The following CACNA2D1 variants were observed in gnomAD, a reference collection of about 807,000 sequenced individuals.
The protein encoded by CACNA2D1 is calcium voltage-gated channel auxiliary subunit alpha2delta 1.
In CACNA2D1, 53 loss-of-function variants were observed where a neutral mutation model predicts 171.5. That is an observed-to-expected ratio of 0.31 (90% CI 0.25 to 0.39). The LOEUF (loss-of-function observed/expected upper bound fraction) is 0.39. Among genes scored for constraint, CACNA2D1 ranks in the 10% least tolerant of loss-of-function variants. The pLI, the probability that CACNA2D1 is intolerant of heterozygous loss-of-function variation, is 1.00. For synonymous variants in CACNA2D1, 442 were observed against 443.1 expected (o/e 1.00, Z 0.03); for missense variants, 903 against 1,299.8 (o/e 0.69, Z 4.69).
intron 1 of CACNA2D1, among the ~76,000 whole-genome samples, chr7:82,364,260 G>GC (rs1821427284): frequency 6.6e-6 from 1 of 152,140 alleles, no homozygotes; most frequent in Non-Finnish European, 1.5e-5. Context: ...CAGGGTTCTG[G>GC]CTAGGGCACT....
intron 1 of CACNA2D1, among the ~76,000 whole-genome samples, chr7:82,415,539 C>CA (rs936530889): frequency 5.8e-4 from 87 of 149,592 alleles, no homozygotes; most frequent in East Asian, 1.2e-3. Flanking sequence ...TAAAAAAAAA[C>CA]AAAAAAAAAC....
At chr7:82,191,731 T>C (rs556491594) in intron 3 of CACNA2D1, among the ~76,000 whole-genome samples, 8 of 151,964 alleles carry the variant, frequency 5.3e-5, no homozygotes, top group African/African-American at 1.4e-4. Context: ...TATGTGTTCA[T>C]ATAATCAACT....
At chr7:82,022,712 T>C (rs1801380263) in intron 12 of CACNA2D1, among the ~76,000 whole-genome samples, 1 of 151,980 alleles carries the variant, frequency 6.6e-6, no homozygotes, top group African/African-American at 2.4e-5. Context: ...TGACCATTTC[T>C]AGTTTGGATC....
Position 82,172,640 on chromosome 7 carries a change from T to TTC in CACNA2D1, c.295-2032_295-2031insGA, listed in dbSNP as rs1491222972. On this transcript the variant is annotated intron_variant, in intron 3 of 38. Coordinates refer to ENST00000356860, the MANE Select transcript of CACNA2D1 (RefSeq NM_000722.4). ...GCTTTTTTTTTTTTTTTTTTTTTTT[T>TTC]GGTAAAGATGGGGTCTCAAACTCCT... Among the ~76,000 whole-genome samples, 28 of 77,282 alleles carry TTC rather than the reference T, an allele frequency of 3.6e-4. 1 individual carries two copies. Among genetic ancestry groups the TTC allele is most frequent in the African/African-American group, 1.4e-3 (27 of 19,980 alleles). 50.7% of individuals were successfully genotyped at this position (77,282 alleles called of 152,430 possible).
chr7:82,071,305 T>G (rs1808297105), intron 7 of CACNA2D1, among the ~76,000 whole-genome samples: 1 of 152,172 alleles, frequency 6.6e-6, no homozygotes, highest in South Asian at 2.1e-4. Flanking sequence ...CGTAGCTTTA[T>G]GCAAAAGAAG....
intron 38 of CACNA2D1, among the ~76,000 whole-genome samples, chr7:81,954,275 T>G (rs1287599618): frequency 6.6e-6 from 1 of 152,012 alleles, no homozygotes; most frequent in Non-Finnish European, 1.5e-5. Context: ...TTTAGAACAT[T>G]AAAATGGAAA....
chr7:82,115,835 C>T (rs1788981502), intron 6 of CACNA2D1, among the ~76,000 whole-genome samples: 1 of 151,872 alleles, frequency 6.6e-6, no homozygotes, highest in African/African-American at 2.4e-5. Context: ...CAAACACTTA[C>T]ATAGCACTTA....
chr7:82,112,062 A>G (rs922930065), intron 6 of CACNA2D1, among the ~76,000 whole-genome samples: 1 of 152,146 alleles, frequency 6.6e-6, no homozygotes, highest in Admixed American at 6.5e-5. Flanking sequence ...TATAAGAAAA[A>G]ATAAATATTA....
Position 81,946,509 on chromosome 7 carries a change from T to C in CACNA2D1, c.*3883A>G, listed in dbSNP as rs866468090. On this transcript the variant is annotated 3_prime_UTR_variant, in exon 39 of 39. Coordinates refer to ENST00000356860, the MANE Select transcript of CACNA2D1 (RefSeq NM_000722.4). Reference sequence around the variant, plus strand: ...TTGCACAAGATTTAACACAACATTTTCTGGGATTATAAATATTTTATAACA... The same window carrying C: ...TTGCACAAGATTTAACACAACATTTCCTGGGATTATAAATATTTTATAACA... 3.9e-5 allele frequency: 6 copies of C among 152,150 alleles called. No homozygotes were observed. Among genetic ancestry groups the C allele is most frequent in the African/African-American group, 1.2e-4 (5 of 41,444 alleles). 9.4% of individuals were successfully genotyped at this position (152,150 alleles called of 1,614,324 possible).
rs10259515 is a variant in CACNA2D1 at position 82,018,746 on chromosome 7, G to C, written c.1144-4267C>G. On this transcript the variant is annotated intron_variant, in intron 12 of 38. Coordinates refer to ENST00000356860, the MANE Select transcript of CACNA2D1 (RefSeq NM_000722.4). ...GCTTATAATCCCAGCACTTTGAGAG[G>C]CTGAGGTGGGTGGATCACTTGAGCT... Among the ~76,000 whole-genome samples, 875 of 152,150 alleles carry C rather than the reference G, an allele frequency of 5.8e-3. 13 individuals are homozygous for C. The highest frequency in any genetic ancestry group is 0.02 in the African/African-American group (842 of 41,504).
intron 1 of CACNA2D1, among the ~76,000 whole-genome samples, chr7:82,413,611 G>A (rs1411012767): frequency 6.6e-6 from 1 of 152,204 alleles, no homozygotes; most frequent in Non-Finnish European, 1.5e-5. Context: ...TAAACAATGA[G>A]TCTTAATTGC....
chr7:82,212,946 G>A (rs544559021), intron 3 of CACNA2D1, among the ~76,000 whole-genome samples: 1 of 151,918 alleles, frequency 6.6e-6, no homozygotes, highest in Non-Finnish European at 1.5e-5. Context: ...TGTCACCCAG[G>A]CTGGAGTGCA....
intron 38 of CACNA2D1, among the ~76,000 whole-genome samples, chr7:81,951,981 T>TTTTTTTG (rs1554321749): frequency 2.0e-5 from 3 of 149,308 alleles, no homozygotes; most frequent in Non-Finnish European, 4.5e-5. Context: ...TTTTTTTTTT[T>TTTTTTTG]TTTTTTTTTT....
At chr7:82,212,592 A>C (rs1408730684) in intron 3 of CACNA2D1, among the ~76,000 whole-genome samples, 1 of 152,246 alleles carries the variant, frequency 6.6e-6, no homozygotes, top group Admixed American at 6.5e-5. Flanking sequence ...AGAGAATAGC[A>C]GAGTCAAGGT....
intron 3 of CACNA2D1, among the ~76,000 whole-genome samples, chr7:82,302,610 T>G (rs1169123393): frequency 6.6e-6 from 1 of 151,828 alleles, no homozygotes; most frequent in Non-Finnish European, 1.5e-5. Context: ...ATAGGGTTCC[T>G]CCATGTTGGT....
rs1321448496 is a variant in CACNA2D1, at chr7:82,306,733, A to G, written c.294+28402T>C. 2.0e-5 allele frequency among the ~76,000 whole-genome samples: 3 copies of G among 152,340 alleles called. No individual in the cohort carries two copies. The East Asian group carries it at 5.8e-4, about 29-fold the overall frequency. ...TATATCCATGGTGTGCTAAACCTGG[A>G]AAGTTATCTCTGGGACTTTCCAAGT... On this transcript the variant is annotated intron_variant, in intron 3 of 38. Transcript: ENST00000356860.
At chr7:82,152,497 G>A (rs1196247750) in intron 4 of CACNA2D1, among the ~76,000 whole-genome samples, 3 of 151,952 alleles carry the variant, frequency 2.0e-5, no homozygotes, top group Admixed American at 2.0e-4. Flanking sequence ...ATAGTTACTT[G>A]AAATTCAAAT....
rs560915095 is a variant in CACNA2D1 at position 82,020,809 on chromosome 7, G to A, written c.1144-6330C>T. ...TTCCTGTATTTATTGCAAATTTACA[G>A]ATATGACCAACATATGTGCTAGAGT... On this transcript the variant is annotated intron_variant, in intron 12 of 38. Coordinates refer to ENST00000356860, the MANE Select transcript of CACNA2D1 (RefSeq NM_000722.4). 3.9e-5 allele frequency: 6 copies of A among 152,256 alleles called. No individual in the cohort carries two copies. In the South Asian group the frequency reaches 1.0e-3, roughly 26 times the overall value. 9.4% of individuals were successfully genotyped at this position (152,256 alleles called of 1,614,324 possible).
rs113023638 is a variant in CACNA2D1, at chr7:82,057,935, A to C, written c.879+2493T>G. 7.7e-3 allele frequency among the ~76,000 whole-genome samples: 1,169 copies of C among 152,270 alleles called. 18 individuals are homozygous for C. The highest frequency in any genetic ancestry group is 0.027 in the African/African-American group (1,120 of 41,560). On this transcript the variant is annotated intron_variant, in intron 10 of 38. Coordinates refer to ENST00000356860, the MANE Select transcript of CACNA2D1 (RefSeq NM_000722.4). ...TGATGTTCCATGTTTCTTTGTTTAA[A>C]GATTGTGACCAGTCTCCATCTTTAA...
Sources: allele counts gnomAD v4.1 joint callset (sites outside exome capture counted in the v4.1 genomes callset), GRCh38; gene constraint gnomAD v4.1.1; transcripts MANE v1.5; gene names NCBI Gene and HGNC (gene_info 2026-07-23, HGNC 2026-07-21).